Variants in DCX observed in about 807,000 individuals in gnomAD.
The protein encoded by DCX is neuronal migration protein doublecortin.
Under a neutral mutation model 20.9 loss-of-function variants are expected in DCX, and 4 were observed. The ratio of observed to expected loss-of-function variants is 0.19; its 90% CI spans 0.09 to 0.44. The LOEUF is 0.44. DCX is among the 20% of genes least tolerant of loss of function. DCX has a pLI of 0.99. For missense variants in DCX, 133 were observed against 296.9 expected, an observed-to-expected ratio of 0.45 and a Z score of 4.06; for synonymous variants, 103 against 111.4, an observed-to-expected ratio of 0.92 and a Z score of 0.47.
intron 3 of DCX, among the ~76,000 whole-genome samples, chrX:111,369,037 G>C (rs1413979282): frequency 9.1e-6 from 1 of 110,401 alleles, no homozygotes; most frequent in Non-Finnish European, 1.9e-5. Flanking sequence ...CAAAACTGAA[G>C]AACTTGAAGT....
chrX:111,350,042 C>A (rs904594330), intron 3 of DCX, among the ~76,000 whole-genome samples: 2 of 111,900 alleles, frequency 1.8e-5, no homozygotes, highest in Non-Finnish European at 3.8e-5. Flanking sequence ...AGAGAACACT[C>A]TGATAAGAGC....
intron 3 of DCX, among the ~76,000 whole-genome samples, chrX:111,369,829 T>C (rs1924934159): frequency 9.0e-6 from 1 of 111,722 alleles, no homozygotes; most frequent in Non-Finnish European, 1.9e-5. Context: ...GGGCATTCTT[T>C]TCTGGCCTTT....
chrX:111,348,875 AAAAG>A (rs1392397813), intron 3 of DCX, among the ~76,000 whole-genome samples: 2 of 107,112 alleles, frequency 1.9e-5, no homozygotes, highest in African/African-American at 3.5e-5. Flanking sequence ...TAAAAAAAAA[AAAAG>A]AAAAGAAAAG....
chrX:111,386,089 GCAAGGGCAGT>G (rs1180589863), intron 3 of DCX, among the ~76,000 whole-genome samples: 3 of 111,515 alleles, frequency 2.7e-5, no homozygotes, highest in Non-Finnish European at 3.8e-5. Flanking sequence ...CTTGACAAGG[GCAAGGGCAGT>G]ATGGAGCAGA....
intron 5 of DCX, among the ~76,000 whole-genome samples, chrX:111,313,984 C>T (rs1409083957): frequency 7.2e-5 from 8 of 110,684 alleles, no homozygotes; most frequent in Admixed American, 6.7e-4. Flanking sequence ...TGATAGTGTT[C>T]CTGTCAGTCC....
At chrX:111,408,234 G>A (rs1316340573) in intron 2 of DCX, among the ~76,000 whole-genome samples, 1 of 111,444 alleles carries the variant, frequency 9.0e-6, no homozygotes, top group East Asian at 2.8e-4. Context: ...TCCTTTGATG[G>A]TCAGGAAGGG....
intron 2 of DCX, among the ~76,000 whole-genome samples, chrX:111,402,820 T>TGTGTGC (rs1927917391): frequency 3.7e-5 from 3 of 80,144 alleles, no homozygotes; most frequent in African/African-American, 1.3e-4. Context: ...TGTGTGTGTG[T>TGTGTGC]GCGGAGGGGG....
At chrX:111,393,290 A>G (rs1352283236) in intron 3 of DCX, among the ~76,000 whole-genome samples, 1 of 111,509 alleles carries the variant, frequency 9.0e-6, no homozygotes, top group Non-Finnish European at 1.9e-5. Flanking sequence ...CCCTCCCCCA[A>G]AAGAACCTTG....
At chrX:111,338,113 A>T (rs1430959354) in intron 3 of DCX, among the ~76,000 whole-genome samples, 1 of 112,139 alleles carries the variant, frequency 8.9e-6, no homozygotes, top group Non-Finnish European at 1.9e-5. Context: ...CCTTTTTCTT[A>T]ACAGCCCTAG....
intron 3 of DCX, among the ~76,000 whole-genome samples, chrX:111,347,305 TG>T (rs750885165): frequency 7.2e-5 from 8 of 111,827 alleles, no homozygotes; most frequent in East Asian, 5.6e-4. Flanking sequence ...TTGATCTTTT[TG>T]TTTTCTGATT....
intron 3 of DCX, among the ~76,000 whole-genome samples, chrX:111,385,779 GGGAGGGAA>G (rs1926415595): frequency 2.4e-5 from 2 of 81,680 alleles, no homozygotes; most frequent in South Asian, 7.6e-4. Flanking sequence ...GAAGGAGGGA[GGGAGGGAA>G]GGAAGGAAGG....
At chrX:111,337,639 T>C (rs1419155330) in intron 3 of DCX, among the ~76,000 whole-genome samples, 2 of 112,365 alleles carry the variant, frequency 1.8e-5, no homozygotes, top group Non-Finnish European at 3.8e-5. Context: ...TTTTTGAACA[T>C]GCCTGGTTCT....
At chrX:111,382,526 G>C (rs1037770363) in intron 3 of DCX, among the ~76,000 whole-genome samples, 2 of 111,985 alleles carry the variant, frequency 1.8e-5, no homozygotes, top group East Asian at 2.8e-4. Flanking sequence ...TGGCAAATGA[G>C]CCCAGCAGAG....
At chrX:111,313,913 G>T (rs747425980) in intron 5 of DCX, among the ~76,000 whole-genome samples, 1 of 97,286 alleles carries the variant, frequency 1.0e-5, no homozygotes, top group East Asian at 3.7e-4. Context: ...GAGAAAGAGT[G>T]GGGGGGAGGG....
intron 3 of DCX, among the ~76,000 whole-genome samples, chrX:111,344,770 T>G (rs12714376): frequency 1.8e-5 from 2 of 111,744 alleles, no homozygotes; most frequent in East Asian, 5.6e-4. Context: ...AAACATTCCA[T>G]CCTCATGGAT....
chrX:111,308,567 C>T (rs1348335281), intron 6 of DCX, among the ~76,000 whole-genome samples: 1 of 111,068 alleles, frequency 9.0e-6, no homozygotes. Flanking sequence ...GATCACACTA[C>T]CCAAAGCCAC....
At chrX:111,341,250 C>T (rs760328245) in intron 3 of DCX, among the ~76,000 whole-genome samples, 1 of 108,689 alleles carries the variant, frequency 9.2e-6, no homozygotes, top group African/African-American at 3.4e-5. Flanking sequence ...ATAGCCGACT[C>T]GACCAAGCAG....
intron 6 of DCX, among the ~76,000 whole-genome samples, chrX:111,307,047 T>A (rs1603412034): frequency 9.0e-6 from 1 of 110,499 alleles, no homozygotes; most frequent in East Asian, 2.8e-4. Flanking sequence ...GGGTTTATTT[T>A]GAGGGTGATG....
chrX:111,303,387 T>C (rs181065868), intron 6 of DCX, among the ~76,000 whole-genome samples: 1 of 110,329 alleles, frequency 9.1e-6, no homozygotes, highest in African/African-American at 3.3e-5. Flanking sequence ...AGAACTTCAG[T>C]AGAAGATTGT....
Sources: gnomAD v4.1 joint callset for allele counts (sites outside exome capture counted in the v4.1 genomes callset) on GRCh38, gnomAD v4.1.1 for gene constraint, MANE v1.5 for transcripts, NCBI Gene and HGNC (gene_info 2026-07-23, HGNC 2026-07-21) for gene names.